PNPLA1: variants seen among roughly 807,000 people sequenced by gnomAD.
PNPLA1 encodes the protein patatin like domain 1, omega-hydroxyceramide transacylase, also known as omega-hydroxyceramide transacylase.
Under a neutral mutation model 51.7 loss-of-function variants are expected in PNPLA1, and 36 were observed. The ratio of observed to expected loss-of-function variants is 0.70; its 90% CI spans 0.53 to 0.92. The LOEUF is 0.92. Among genes scored for constraint, PNPLA1 ranks in the 40% least tolerant of loss-of-function variants. PNPLA1 has a pLI of 0.00. For missense variants in PNPLA1, 658 were observed against 682.5 expected, an observed-to-expected ratio of 0.96 and a Z score of 0.40; for synonymous variants, 293 against 280.1, an observed-to-expected ratio of 1.05 and a Z score of -0.46.
Position 36,249,996 on chromosome 6 carries a change from C to T in PNPLA1, c.-81+6735C>T, listed in dbSNP as rs183074080. Among the ~76,000 whole-genome samples the T allele has an allele frequency of 1.2e-3, 177 of 152,234 alleles. 3 individuals are homozygous for T. The highest frequency in any genetic ancestry group is 4.0e-3 in the African/African-American group (167 of 41,518). The stretch of plus-strand genomic sequence containing the variant: ...ACTACAAATAAAGGAAGAACCAGAC[C>T]ATAAAAATCTGAGCCTCCACTAATA... On this transcript the variant is annotated intron_variant, in intron 1 of 7. Transcript: ENST00000312917.
chr6:36,263,332 A>G (rs1355616808), intron 1 of PNPLA1, among the ~76,000 whole-genome samples: 2 of 152,220 alleles, frequency 1.3e-5, no homozygotes, highest in Non-Finnish European at 2.9e-5. Context: ...CAAAAAGACA[A>G]CACTCCCCCT....
chr6:36,279,226 G>A (rs972958278), intron 1 of PNPLA1, among the ~76,000 whole-genome samples: 1 of 152,216 alleles, frequency 6.6e-6, no homozygotes, highest in African/African-American at 2.4e-5. Context: ...TTTGCCCCCT[G>A]CCCCGCAAAT....
At chr6:36,262,870 T>A (rs1301784512) in intron 1 of PNPLA1, among the ~76,000 whole-genome samples, 3 of 152,072 alleles carry the variant, frequency 2.0e-5, no homozygotes, top group African/African-American at 7.2e-5. Flanking sequence ...TGATATACTT[T>A]TAGGTTATTT....
At chr6:36,265,027 C>A (rs58261642) in intron 1 of PNPLA1, among the ~76,000 whole-genome samples, 2 of 152,174 alleles carry the variant, frequency 1.3e-5, no homozygotes, top group African/African-American at 2.4e-5. Context: ...AAGGCCAGTG[C>A]TACAGTGGAG....
chr6:36,281,823 T>C (rs1770291149), intron 1 of PNPLA1, among the ~76,000 whole-genome samples: 2 of 151,902 alleles, frequency 1.3e-5, no homozygotes, highest in African/African-American at 4.8e-5. Context: ...AGTTTGAGAC[T>C]AGCCTGGCCA....
chr6:36,268,227 T>A (rs113583816), upstream of PNPLA1, among the ~76,000 whole-genome samples: 13 of 152,310 alleles, frequency 8.5e-5, no homozygotes, highest in African/African-American at 3.1e-4. Flanking sequence ...GGGGTCTATC[T>A]GTTCCAGAAG....
chr6:36,269,464 C>T (rs900360571), upstream of PNPLA1, among the ~76,000 whole-genome samples: 7 of 152,170 alleles, frequency 4.6e-5, no homozygotes, highest in Admixed American at 2.6e-4. Flanking sequence ...CACAGGTGAC[C>T]TCCCCAGCTG....
At chr6:36,248,167 T>C (rs932316669) in intron 1 of PNPLA1, among the ~76,000 whole-genome samples, 4 of 152,122 alleles carry the variant, frequency 2.6e-5, no homozygotes, top group Admixed American at 6.5e-5. Flanking sequence ...AACACTCAGA[T>C]GAACAATGCT....
At position 36,282,212 on chromosome 6, in the gene PNPLA1, G is replaced by GGGAAGGAAGGAAGGAAGGAAGGAA. The variant is rs147876798; in HGVS notation, c.206-9107_206-9084dup. On this transcript the variant is annotated intron_variant, in intron 1 of 8. Transcript: ENST00000636260. ...AAGAAAGAAGGAAGGAAGGAAGGAA[G>GGGAAGGAAGGAAGGAAGGAAGGAA]GGAAGGAAGGAAGGAAGGAAGGAAA... Among the ~76,000 whole-genome samples, 18 of 108,730 alleles carry GGGAAGGAAGGAAGGAAGGAAGGAA rather than the reference G, an allele frequency of 1.7e-4. 3 individuals carry two copies. The South Asian group carries it at 1.7e-3, about 10-fold the overall frequency. 71.3% of individuals were successfully genotyped at this position (108,730 alleles called of 152,430 possible).
chr6:36,244,080 T>G (rs1168142139), intron 1 of PNPLA1, among the ~76,000 whole-genome samples: 1 of 152,176 alleles, frequency 6.6e-6, no homozygotes, highest in African/African-American at 2.4e-5. Context: ...GTCCGTCTGA[T>G]TCTAGAGCCC....
chr6:36,252,542 CAAA>C (rs5875538), intron 1 of PNPLA1, among the ~76,000 whole-genome samples: 12,933 of 133,422 alleles, frequency 0.097, 624 homozygotes, highest in Middle Eastern at 0.16. Context: ...CAAAAGGGGT[CAAA>C]AAAAAAAAAA....
chr6:36,303,131 G>A lies in PNPLA1; in HGVS notation c.1384+662G>A, dbSNP rs373623086. The stretch of plus-strand genomic sequence containing the variant: ...TTTTTTTTAGATGGAATCTCGCTCT[G>A]TCGCCCAGGCTAGAGTGCAGTGGCG... On this transcript the variant is annotated intron_variant, in intron 6 of 8. Coordinates refer to ENST00000636260, the MANE Select transcript of PNPLA1 (RefSeq NM_001374623.1). Among the ~76,000 whole-genome samples, 61 of 152,024 alleles carry A rather than the reference G, an allele frequency of 4.0e-4. 1 individual carries two copies. The East Asian group carries it at 9.1e-3, about 23-fold the overall frequency.
At chr6:36,302,942 A>G (rs1233576872) in intron 6 of PNPLA1, among the ~76,000 whole-genome samples, 1 of 152,198 alleles carries the variant, frequency 6.6e-6, no homozygotes, top group Non-Finnish European at 1.5e-5. Flanking sequence ...ACTGTGTGTT[A>G]CTAGCCCACC....
intron 2 of PNPLA1, among the ~76,000 whole-genome samples, chr6:36,292,175 A>G (rs1561864865): frequency 6.6e-6 from 1 of 150,728 alleles, no homozygotes; most frequent in Non-Finnish European, 1.5e-5. Flanking sequence ...CCACATCTCC[A>G]CTCTCCTTCC....
intron 5 of PNPLA1, among the ~76,000 whole-genome samples, chr6:36,300,193 G>A (rs1770991853): frequency 1.3e-5 from 2 of 149,366 alleles, no homozygotes; most frequent in Non-Finnish European, 3.0e-5. Context: ...GAGAGAGAGA[G>A]AGAGAGAGAG....
At chr6:36,271,806 G>C (rs1769924435) in intron 1 of PNPLA1, among the ~76,000 whole-genome samples, 1 of 152,210 alleles carries the variant, frequency 6.6e-6, no homozygotes, top group Non-Finnish European at 1.5e-5. Context: ...ACCTAAGGGA[G>C]GGGGAGCACA....
intron 1 of PNPLA1, among the ~76,000 whole-genome samples, chr6:36,284,958 A>C (rs1217546736): frequency 6.6e-6 from 1 of 152,150 alleles, no homozygotes; most frequent in African/African-American, 2.4e-5. Flanking sequence ...ATACCCCTGC[A>C]GTGTAGGGCA....
chr6:36,297,865 T>TAAAC (rs138743503), intron 5 of PNPLA1, among the ~76,000 whole-genome samples: 4 of 133,740 alleles, frequency 3.0e-5, no homozygotes, highest in African/African-American at 7.5e-5. Flanking sequence ...TGTCTCTCTG[T>TAAAC]ACACACACAC....
chr6:36,313,148 C>T lies in PNPLA1; in HGVS notation c.*1262C>T, dbSNP rs1771442151. Among the ~76,000 whole-genome samples, 1 of 152,142 alleles carries T rather than the reference C, an allele frequency of 6.6e-6. No individual in the cohort carries two copies. Among genetic ancestry groups the T allele is most frequent in the Non-Finnish European group, 1.5e-5 (1 of 68,032 alleles). ...GTGTTGAGACAGGCTGCCCTGGAGT[C>T]CTGGGTGGCTGTAGAGGAAGAAGGA... On this transcript the variant is annotated 3_prime_UTR_variant, in exon 9 of 9. Transcript: ENST00000636260.
Sources: allele counts gnomAD v4.1 joint callset (sites outside exome capture counted in the v4.1 genomes callset), GRCh38; gene constraint gnomAD v4.1.1; transcripts MANE v1.5; gene names NCBI Gene and HGNC (gene_info 2026-07-23, HGNC 2026-07-21).